Variants in NFU1 observed in about 807,000 individuals in gnomAD.
The protein encoded by NFU1 is NFU1 iron-sulfur cluster scaffold.
NFU1 carries 30 observed loss-of-function variants against 32.2 expected under a neutral mutation model. The ratio of observed to expected loss-of-function variants is 0.93; its 90% CI spans 0.70 to 1.26. The LOEUF is 1.26. NFU1 is among the 50% of genes most tolerant of loss of function. The pLI is 0.00. For missense variants in NFU1, 306 were observed against 306.6 expected (o/e 1.00, Z 0.02); for synonymous variants, 112 against 104.6 (o/e 1.07, Z -0.43).
At chr2:69,429,340 G>C (rs1673563038) in intron 2 of NFU1, among the ~76,000 whole-genome samples, 1 of 152,076 alleles carries the variant, frequency 6.6e-6, no homozygotes, top group Non-Finnish European at 1.5e-5. Context: ...AAGGCAGGAG[G>C]ATCACTTGAG....
intron 1 of NFU1, among the ~76,000 whole-genome samples, chr2:69,436,038 C>G (rs1002902710): frequency 2.6e-5 from 4 of 152,052 alleles, no homozygotes; most frequent in Non-Finnish European, 4.4e-5. Context: ...GCCACCACGC[C>G]CGGCACACCA....
intron 6 of NFU1, 137 bp from the exon 7 acceptor site, chr2:69,400,675 T>TAAC: frequency 1.4e-6 from 1 of 700,098 alleles, no homozygotes; most frequent in Non-Finnish European, 2.3e-6. Context: ...TACAGAATAA[T>TAAC]AACTGTGGCT....
chr2:69,434,431 A>C (rs1192738800), intron 1 of NFU1, among the ~76,000 whole-genome samples: 1 of 152,134 alleles, frequency 6.6e-6, no homozygotes, highest in Non-Finnish European at 1.5e-5. Flanking sequence ...CGTGAGCCAC[A>C]GCGCCAGGCC....
chr2:69,426,434 T>C (rs1673457080), intron 2 of NFU1, among the ~76,000 whole-genome samples: 1 of 151,812 alleles, frequency 6.6e-6, no homozygotes, highest in African/African-American at 2.4e-5. Context: ...TACCAGCATA[T>C]ACCACCAAGC....
intron 5 of NFU1, among the ~76,000 whole-genome samples, chr2:69,408,769 T>TATATATATATAC (rs1219902624): frequency 3.5e-4 from 47 of 133,630 alleles, no homozygotes; most frequent in Admixed American, 7.2e-4. Flanking sequence ...TATATATATA[T>TATATATATATAC]ACACACACAC....
chr2:69,437,453 A>C (rs1381254424), upstream of NFU1: 2 of 1,605,848 alleles, frequency 1.2e-6, no homozygotes, highest in Non-Finnish European at 1.7e-6. Flanking sequence ...GGTCTCCCTG[A>C]CAGAACCACG....
intron 5 of NFU1, among the ~76,000 whole-genome samples, chr2:69,407,687 A>AG (rs1672742842): frequency 6.6e-6 from 1 of 150,680 alleles, no homozygotes; most frequent in African/African-American, 2.4e-5. Context: ...AAAAAAAAAA[A>AG]AAAAGAAAAG....
intron 4 of NFU1, chr2:69,416,219 G>C (rs1381291585): frequency 6.7e-6 from 1 of 149,970 alleles, no homozygotes; most frequent in Non-Finnish European, 1.5e-5. Flanking sequence ...CATCTTAAAG[G>C]GTCCTGTTTA....
chr2:69,437,203 G>T, intron 1 of NFU1, 158 bp downstream of exon 1: 1 of 1,432,080 alleles, frequency 7.0e-7, no homozygotes, highest in African/African-American at 1.4e-5. Context: ...CGCACAGACA[G>T]CCTCAGGGCT....
chr2:69,427,220 T>C (rs1015433342), intron 2 of NFU1, among the ~76,000 whole-genome samples: 1 of 149,742 alleles, frequency 6.7e-6, no homozygotes, highest in Admixed American at 6.7e-5. Context: ...ACCCCGTCTC[T>C]ACTAAAAATA....
intron 1 of NFU1, 180 bp downstream of exon 1, chr2:69,437,181 G>A (rs1330145330): frequency 1.5e-6 from 2 of 1,363,040 alleles, no homozygotes; most frequent in South Asian, 1.5e-5. Flanking sequence ...GGCCACAGAA[G>A]CGCCGAGCTC....
At chr2:69,433,979 C>T (rs932598201) in intron 1 of NFU1, among the ~76,000 whole-genome samples, 5 of 149,388 alleles carry the variant, frequency 3.3e-5, no homozygotes, top group African/African-American at 9.9e-5. Flanking sequence ...AGATGGATTA[C>T]CACTATGTTG....
intron 1 of NFU1, among the ~76,000 whole-genome samples, chr2:69,435,916 C>CTT (rs531070579): frequency 8.6e-4 from 117 of 135,474 alleles, no homozygotes; most frequent in African/African-American, 2.3e-3. Context: ...CCACGCCCAG[C>CTT]TTTTTTTTTT....
chr2:69,401,097 G>C (rs938860048), intron 6 of NFU1, among the ~76,000 whole-genome samples: 1 of 152,134 alleles, frequency 6.6e-6, no homozygotes, highest in Non-Finnish European at 1.5e-5. Context: ...TTCATTTTCA[G>C]GTAAACTTTT....
chr2:69,425,844 C>T (rs940038808), intron 2 of NFU1, among the ~76,000 whole-genome samples: 12 of 152,060 alleles, frequency 7.9e-5, no homozygotes, highest in African/African-American at 2.9e-4. Context: ...ACTCTTACTC[C>T]CATTTTACAA....
At chr2:69,405,848 A>T (rs1672677661) in intron 6 of NFU1, among the ~76,000 whole-genome samples, 174 bp downstream of exon 6, 1 of 152,170 alleles carries the variant, frequency 6.6e-6, no homozygotes, top group Non-Finnish European at 1.5e-5. Flanking sequence ...TTTTGAGTAA[A>T]TGTAGAGAAG....
chr2:69,416,309 A>G (rs1383186544), intron 4 of NFU1: 1 of 147,858 alleles, frequency 6.8e-6, no homozygotes, highest in Non-Finnish European at 1.5e-5. Context: ...ATATAATTAT[A>G]ATTTATAATT....
At chr2:69,429,472 G>T (rs1673567978) in intron 2 of NFU1, among the ~76,000 whole-genome samples, 1 of 151,522 alleles carries the variant, frequency 6.6e-6, no homozygotes, top group African/African-American at 2.4e-5. Flanking sequence ...AAGGCAAGAG[G>T]ACTGCTTGAG....
In NFU1 at chr2:69,423,678, G is replaced by C. The variant is rs1190118425; in HGVS notation, c.206C>G (p.Pro69Arg). Residue 69 changes from proline (P) to arginine (R), a missense_variant, in exon 3 of 8, where the codon CCA (proline) becomes CGA (arginine). By Grantham distance (103) the Pro-to-Arg change is moderately radical. Transcript: ENST00000410022. ...TCCTGGTATAAACTTTAAGCTGTTT[G>C]GATTTGGGGTATCTTGTGTTTGAAT... ...MFIQTQDTPN[P>R]NSLKFIPGKP... 25 of 1,608,090 alleles carry C rather than the reference G, an allele frequency of 1.6e-5. No homozygotes were observed. The highest frequency in any genetic ancestry group is 2.0e-5 in the Non-Finnish European group (23 of 1,174,790).
Sources: gnomAD v4.1 joint callset for allele counts (sites outside exome capture counted in the v4.1 genomes callset) on GRCh38, gnomAD v4.1.1 for gene constraint, MANE v1.5 for transcripts, NCBI Gene and HGNC (gene_info 2026-07-23, HGNC 2026-07-21) for gene names.